ATP2B2: variants seen among roughly 807,000 people sequenced by gnomAD.
ATP2B2 encodes ATPase plasma membrane Ca2+ transporting 2.
Under a neutral mutation model 120.0 loss-of-function variants are expected in ATP2B2, and 15 were observed. That is an observed-to-expected ratio of 0.12 (90% CI 0.08 to 0.19). The LOEUF is 0.19. ATP2B2 is among the 10% of genes least tolerant of loss of function. The pLI is 1.00. For synonymous variants in ATP2B2, 694 were observed against 700.3 expected, an observed-to-expected ratio of 0.99 and a Z score of 0.14; for missense variants, 1,045 against 1,719.8, an observed-to-expected ratio of 0.61 and a Z score of 6.94.
intron 3 of ATP2B2, among the ~76,000 whole-genome samples, chr3:10,405,163 T>A (rs2124988759): frequency 6.6e-6 from 1 of 152,354 alleles, no homozygotes; most frequent in East Asian, 1.9e-4. Flanking sequence ...GCTAAGGGCC[T>A]GGCACATGAT....
At chr3:10,527,887 C>T (rs1257998132) in intron 3 of ATP2B2, among the ~76,000 whole-genome samples, 1 of 152,156 alleles carries the variant, frequency 6.6e-6, no homozygotes, top group African/African-American at 2.4e-5. Context: ...TGCAAGGTGG[C>T]CACGGCACCG....
chr3:10,499,190 T>C (rs1169580324), intron 1 of ATP2B2, among the ~76,000 whole-genome samples: 1 of 152,198 alleles, frequency 6.6e-6, no homozygotes, highest in Non-Finnish European at 1.5e-5. Flanking sequence ...TTGCATTACT[T>C]CACCAAATCC....
At chr3:10,697,603 GTAT>G (rs2071759683) in intron 1 of ATP2B2, among the ~76,000 whole-genome samples, 1 of 152,176 alleles carries the variant, frequency 6.6e-6, no homozygotes. Context: ...TCCTATGGAT[GTAT>G]TCCCTGCTCC....
chr3:10,377,184 T>C (rs17032761), intron 10 of ATP2B2, among the ~76,000 whole-genome samples: 1,729 of 152,204 alleles, frequency 0.011, 38 homozygotes, highest in African/African-American at 0.039. Flanking sequence ...GTCAGTGCCA[T>C]GTTTCCATAG....
intron 12 of ATP2B2, among the ~76,000 whole-genome samples, chr3:10,360,495 C>A (rs2060866627): frequency 6.6e-6 from 1 of 152,076 alleles, no homozygotes. Flanking sequence ...AAGTTGAATC[C>A]CCTCCGCAAA....
chr3:10,616,634 G>A (rs563672129), intron 2 of ATP2B2, among the ~76,000 whole-genome samples: 1 of 152,076 alleles, frequency 6.6e-6, no homozygotes, highest in Non-Finnish European at 1.5e-5. Context: ...ACTTTAGAAT[G>A]AAAAGTGCCA....
chr3:10,470,573 G>A (rs1388197410), intron 1 of ATP2B2, among the ~76,000 whole-genome samples: 1 of 152,188 alleles, frequency 6.6e-6, no homozygotes, highest in Non-Finnish European at 1.5e-5. Flanking sequence ...GGGTTAAATG[G>A]TGGTCCCAGG....
intron 1 of ATP2B2, among the ~76,000 whole-genome samples, chr3:10,678,305 G>T (rs1382031350): frequency 6.6e-6 from 1 of 152,232 alleles, no homozygotes; most frequent in South Asian, 2.1e-4. Flanking sequence ...TCATCGAACT[G>T]TTTGTGAAAT....
chr3:10,596,342 T>G (rs2068763579), intron 2 of ATP2B2, among the ~76,000 whole-genome samples: 1 of 152,244 alleles, frequency 6.6e-6, no homozygotes, highest in African/African-American at 2.4e-5. Flanking sequence ...TCTGTGGGTA[T>G]GAACATCACT....
At chr3:10,647,552 T>C (rs1282797304) in intron 1 of ATP2B2, among the ~76,000 whole-genome samples, 1 of 152,000 alleles carries the variant, frequency 6.6e-6, no homozygotes, top group East Asian at 1.9e-4. Context: ...AGGATGAACA[T>C]GAGGAGGGTC....
At chr3:10,390,351 G>A (rs2061808286) in intron 5 of ATP2B2, among the ~76,000 whole-genome samples, 1 of 152,190 alleles carries the variant, frequency 6.6e-6, no homozygotes, top group Non-Finnish European at 1.5e-5. Flanking sequence ...GAGGGGTTCT[G>A]GGTCAGACCT....
At chr3:10,361,313 C>T (rs530465317) in intron 12 of ATP2B2, among the ~76,000 whole-genome samples, 6 of 152,194 alleles carry the variant, frequency 3.9e-5, no homozygotes, top group Non-Finnish European at 8.8e-5. Context: ...CCACCATGCC[C>T]GGCTGTAACT....
chr3:10,436,520 T>C (rs535445999), intron 2 of ATP2B2, among the ~76,000 whole-genome samples: 7 of 152,358 alleles, frequency 4.6e-5, no homozygotes, highest in African/African-American at 1.7e-4. Flanking sequence ...TGCTTTGGAA[T>C]CCTGAGCTAT....
chr3:10,648,420 C>T (rs2070374696), intron 1 of ATP2B2, among the ~76,000 whole-genome samples: 1 of 152,196 alleles, frequency 6.6e-6, no homozygotes, highest in South Asian at 2.1e-4. Context: ...TGTGGGAGGC[C>T]CCTGAGGCTT....
At chr3:10,398,840 C>T (rs1266180484) in intron 5 of ATP2B2, among the ~76,000 whole-genome samples, 1 of 152,254 alleles carries the variant, frequency 6.6e-6, no homozygotes, top group Non-Finnish European at 1.5e-5. Flanking sequence ...CTCCCATCCT[C>T]TGCCTTCAGC....
chr3:10,692,389 C>T lies in ATP2B2; in HGVS notation c.-460+15526G>A, dbSNP rs559658152. 2.0e-5 allele frequency among the ~76,000 whole-genome samples: 3 copies of T among 152,292 alleles called. No homozygotes were observed. In the South Asian group the frequency reaches 6.2e-4, roughly 32 times the overall value. ...CGGCTGCAGACAAGTCATCTGGCCT[C>T]GCAGACTTTTTCTGCAGCAGGGTAA... On this transcript the variant is annotated intron_variant, in intron 1 of 21. Coordinates refer to the ATP2B2 transcript ENST00000646379.
chr3:10,571,356 C>T (rs1315122142), intron 2 of ATP2B2, among the ~76,000 whole-genome samples: 3 of 152,230 alleles, frequency 2.0e-5, no homozygotes, highest in Admixed American at 6.5e-5. Flanking sequence ...GTAGGTGACT[C>T]GTGGCCTCAC....
At chr3:10,660,848 A>G (rs2070760027) in intron 1 of ATP2B2, among the ~76,000 whole-genome samples, 1 of 152,228 alleles carries the variant, frequency 6.6e-6, no homozygotes, top group Admixed American at 6.5e-5. Flanking sequence ...AAAATCCTCA[A>G]TAAAATACTG....
intron 5 of ATP2B2, among the ~76,000 whole-genome samples, chr3:10,391,274 T>C (rs1290129031): frequency 6.6e-6 from 1 of 152,212 alleles, no homozygotes; most frequent in Non-Finnish European, 1.5e-5. Context: ...TTGAACTCTC[T>C]GCTGTCCCTG....
Sources: gnomAD v4.1 joint callset for allele counts (sites outside exome capture counted in the v4.1 genomes callset) on GRCh38, gnomAD v4.1.1 for gene constraint, MANE v1.5 for transcripts, NCBI Gene and HGNC (gene_info 2026-07-23, HGNC 2026-07-21) for gene names.